EXPH5: variants seen among roughly 807,000 people sequenced by gnomAD.
EXPH5 encodes the protein exophilin 5, also known as exophilin-5.
In EXPH5, 42 loss-of-function variants were observed where a neutral mutation model predicts 41.1. The observed-to-expected ratio is 1.02, with a 90% CI of 0.80 to 1.32. The LOEUF is 1.32. EXPH5 is among the 40% of genes most tolerant of loss of function. EXPH5 has a pLI of 0.00. For missense variants in EXPH5, 2,298 were observed against 2,314.5 expected, an observed-to-expected ratio of 0.99 and a Z score of 0.15; for synonymous variants, 798 against 833.5, an observed-to-expected ratio of 0.96 and a Z score of 0.73.
At chr11:108,556,456 T>TTTTTG (rs1413692071) in intron 1 of EXPH5, among the ~76,000 whole-genome samples, 8 of 152,048 alleles carry the variant, frequency 5.3e-5, no homozygotes, top group South Asian at 2.1e-4. Flanking sequence ...TCAATTTTAT[T>TTTTTG]TTTTGTTTTG....
chr11:108,535,392 T>C lies in EXPH5; in HGVS notation c.443+3632A>G, dbSNP rs572840475. 3.9e-5 allele frequency among the ~76,000 whole-genome samples: 6 copies of C among 152,284 alleles called. No individual in the cohort carries two copies. In the East Asian group the frequency reaches 1.2e-3, roughly 29 times the overall value. Reference sequence around the variant, plus strand: ...CCACCACAATGCTGCCTTTTATCTGTGGACACCATGCCTGGAATCACAGAA... The same window carrying C: ...CCACCACAATGCTGCCTTTTATCTGCGGACACCATGCCTGGAATCACAGAA... On this transcript the variant is annotated intron_variant, in intron 3 of 5. Transcript: ENST00000265843.
intron 1 of EXPH5, among the ~76,000 whole-genome samples, chr11:108,548,447 T>A (rs1375886524): frequency 3.3e-5 from 5 of 152,198 alleles, no homozygotes; most frequent in Non-Finnish European, 5.9e-5. Flanking sequence ...GGGGGCAAGA[T>A]TTTGAAGAAA....
At chr11:108,567,482 C>A (rs1410029378) in intron 1 of EXPH5, among the ~76,000 whole-genome samples, 1 of 152,170 alleles carries the variant, frequency 6.6e-6, no homozygotes, top group Non-Finnish European at 1.5e-5. Flanking sequence ...CAAAACCCTA[C>A]CTCACTGCTG....
intron 1 of EXPH5, chr11:108,552,347 A>G (rs2093970203): frequency 6.6e-6 from 1 of 152,232 alleles, no homozygotes; most frequent in Non-Finnish European, 1.5e-5. Flanking sequence ...AAAGCAAGCA[A>G]GTATATTGAA....
intron 1 of EXPH5, among the ~76,000 whole-genome samples, chr11:108,576,024 A>T (rs1241370914): frequency 1.3e-5 from 2 of 152,222 alleles, no homozygotes; most frequent in Admixed American, 6.5e-5. Context: ...ACAATTCCTC[A>T]AAAAGTTAAA....
chr11:108,532,368 T>A (rs867856526), intron 3 of EXPH5, among the ~76,000 whole-genome samples: 128 of 27,008 alleles, frequency 4.7e-3, no homozygotes, highest in African/African-American at 0.012. Flanking sequence ...ATATATATAT[T>A]TTTTTTTTTT....
chr11:108,595,804 T>A (rs2094138118), upstream of EXPH5, among the ~76,000 whole-genome samples: 1 of 152,268 alleles, frequency 6.6e-6, no homozygotes, highest in African/African-American at 2.4e-5. Context: ...AGCTGAAAGG[T>A]AGGCTGAGCT....
intron 4 of EXPH5, among the ~76,000 whole-genome samples, chr11:108,518,634 G>A (rs1166765442): frequency 6.6e-6 from 1 of 152,084 alleles, no homozygotes; most frequent in Non-Finnish European, 1.5e-5. Context: ...AGTTTCCTAC[G>A]AACTTACACA....
At chr11:108,597,152 A>ATCACATCACATCTTGCTT (rs1565841716), upstream of EXPH5, among the ~76,000 whole-genome samples, 224 of 152,322 alleles carry the variant, frequency 1.5e-3, 1 homozygote, top group African/African-American at 5.2e-3. Context: ...CCAAGCCAAG[A>ATCACATCACATCTTGCTT]GACATGCTGA....
chr11:108,593,322 G>C (rs917359141), intron 1 of EXPH5, 96 bp downstream of exon 1: 43 of 1,069,954 alleles, frequency 4.0e-5, no homozygotes, highest in Non-Finnish European at 5.9e-5. Context: ...GAGCACCCCC[G>C]GGCAGGTGCC....
rs781493293 is a variant in EXPH5, at chr11:108,511,015, T to C, written c.4492A>G (p.Lys1498Glu). The change falls in exon 6 of 6, where the codon AAA becomes GAA. Residue 1498 changes from lysine to glutamate, a missense_variant. By Grantham distance (56) the Lys-to-Glu change is moderately conservative. Coordinates refer to ENST00000265843, the MANE Select transcript of EXPH5 (RefSeq NM_015065.3). ...IGTNCQKMTN[K>E]TLSHSESQVF... ...TGACTCTCTGAGTGAGAAAGTGTTT[T>C]ATTAGTCATTTTTTGGCAGTTGGTT... The C allele has an allele frequency of 6.2e-6, 10 of 1,614,236 alleles. No homozygotes were observed. Among genetic ancestry groups the C allele is most frequent in the Middle Eastern group, 1.6e-4 (1 of 6,062 alleles).
rs139176486 is a variant in EXPH5, at chr11:108,540,148, C to T, written c.281-962G>A. On this transcript the variant is annotated intron_variant, in intron 2 of 5. Transcript: ENST00000265843. ...CCAGCCTGGCCAACATGGAGAAACC[C>T]CGTCTCTACTAAAAATACAAAAAAA... Among the ~76,000 whole-genome samples the T allele has an allele frequency of 7.9e-3, 1,198 of 152,058 alleles. 17 individuals carry two copies. The highest frequency in any genetic ancestry group is 0.027 in the African/African-American group (1,126 of 41,462).
intron 3 of EXPH5, among the ~76,000 whole-genome samples, chr11:108,532,368 T>TATATATATATATATA (rs1565800742): frequency 1.1e-4 from 3 of 27,162 alleles, no homozygotes; most frequent in Non-Finnish European, 1.9e-4. Context: ...ATATATATAT[T>TATATATATATATATA]TTTTTTTTTT....
chr11:108,601,591 A>G, the EXPH5 span, among the ~76,000 whole-genome samples: 3 of 152,190 alleles, frequency 2.0e-5, no homozygotes, highest in Admixed American at 2.0e-4. Flanking sequence ...AAAGTTGAGT[A>G]TTTAAATATG....
chr11:108,565,023 G>A (rs1252233137), intron 1 of EXPH5, among the ~76,000 whole-genome samples: 2 of 149,504 alleles, frequency 1.3e-5, no homozygotes, highest in Non-Finnish European at 3.0e-5. Flanking sequence ...CTCCTGCCTC[G>A]GCCTCCCGAG....
chr11:108,607,108 A>T, the EXPH5 span, among the ~76,000 whole-genome samples: 1 of 152,192 alleles, frequency 6.6e-6, no homozygotes, highest in Non-Finnish European at 1.5e-5. Flanking sequence ...ATAAACATAA[A>T]AATCACTAAT....
chr11:108,562,096 G>A (rs914549218), intron 1 of EXPH5, among the ~76,000 whole-genome samples: 1 of 152,074 alleles, frequency 6.6e-6, no homozygotes, highest in Non-Finnish European at 1.5e-5. Flanking sequence ...CATCCCTTGA[G>A]GAAACTGCTC....
chr11:108,548,109 T>TTA (rs1281782652), intron 1 of EXPH5, among the ~76,000 whole-genome samples: 3 of 108,202 alleles, frequency 2.8e-5, no homozygotes, highest in Admixed American at 2.1e-4. Flanking sequence ...ACTTCATCTT[T>TTA]AAAAAAAAAA....
the EXPH5 span, among the ~76,000 whole-genome samples, chr11:108,605,696 C>T: frequency 6.6e-6 from 1 of 152,210 alleles, no homozygotes; most frequent in Non-Finnish European, 1.5e-5. Context: ...GCTAACTCTG[C>T]GTCCTTTGAA....
Sources: allele counts gnomAD v4.1 joint callset (sites outside exome capture counted in the v4.1 genomes callset), GRCh38; gene constraint gnomAD v4.1.1; transcripts MANE v1.5; gene names NCBI Gene and HGNC (gene_info 2026-07-23, HGNC 2026-07-21).